Variants in PECR observed in about 807,000 individuals in gnomAD.
PECR encodes the protein 2,4-dienoyl-CoA reductase-related protein.
Under a neutral mutation model 35.3 loss-of-function variants are expected in PECR, and 30 were observed. The observed-to-expected ratio is 0.85, with a 90% confidence interval of 0.64 to 1.15. PECR has a LOEUF of 1.15. PECR is among the 50% of genes most tolerant of loss of function. The probability of loss-of-function intolerance (pLI) is 0.00; values close to 1 mark genes in which losing one functional copy is unlikely to be tolerated. For synonymous variants in PECR, 148 were observed against 138.9 expected, an observed-to-expected ratio of 1.07 and a Z score of -0.46; for missense variants, 392 against 370.8, an observed-to-expected ratio of 1.06 and a Z score of -0.47.
chr2:216,067,507 T>A (rs1469078957), intron 1 of PECR, among the ~76,000 whole-genome samples: 1 of 152,138 alleles, frequency 6.6e-6, no homozygotes, highest in Non-Finnish European at 1.5e-5. Flanking sequence ...TGTTTTCAAG[T>A]GACCTAACTG....
downstream of PECR, among the ~76,000 whole-genome samples, chr2:216,033,388 G>A (rs893239524): frequency 3.9e-5 from 6 of 152,050 alleles, no homozygotes; most frequent in Admixed American, 6.6e-5. Flanking sequence ...TCACAAGAGC[G>A]AGTAAGTGGT....
rs768887022 is a variant in PECR at position 216,066,400 on chromosome 2, G to A, written c.243C>T (p.Ile81=). 37 of 1,612,978 alleles carry A rather than the reference G, an allele frequency of 2.3e-5. No individual in the cohort carries two copies. The Admixed American group carries it at 5.3e-4, about 23-fold the overall frequency. Residue 81 remains isoleucine, a synonymous_variant, in exon 2 of 8, where the codon ATC becomes ATT. Coordinates refer to ENST00000265322, the MANE Select transcript of PECR (RefSeq NM_018441.6). ...QARVIPIQCN[I]RNEEEVNNLV... is the part of the protein sequence containing the mutation. Reference sequence around the variant, plus strand: ...TCTCCATTACCTCCTCCTCATTCCGGATGTTGCATTGTATGGGAATGACTC... The same window carrying A: ...TCTCCATTACCTCCTCCTCATTCCGAATGTTGCATTGTATGGGAATGACTC...
intron 4 of PECR, among the ~76,000 whole-genome samples, chr2:216,055,273 A>G (rs1469248974): frequency 2.0e-5 from 3 of 151,852 alleles, no homozygotes; most frequent in Non-Finnish European, 4.4e-5. Flanking sequence ...CCCCGTCTCT[A>G]TTAAAAATAC....
chr2:216,075,183 A>G (rs959989137), intron 1 of PECR, among the ~76,000 whole-genome samples: 1 of 152,126 alleles, frequency 6.6e-6, no homozygotes, highest in Non-Finnish European at 1.5e-5. Flanking sequence ...CAGGAGAATC[A>G]TTTCAGACAG....
intron 1 of PECR, among the ~76,000 whole-genome samples, chr2:216,069,396 G>GC (rs1302410281): frequency 6.6e-6 from 1 of 152,166 alleles, no homozygotes; most frequent in Non-Finnish European, 1.5e-5. Flanking sequence ...CATGATCTAA[G>GC]GGGGGACTGG....
rs1430868777 is a variant in PECR, at chr2:216,043,886, C to T, written c.826+18G>A. 7.7e-7 allele frequency: 1 copy of T among 1,305,450 alleles called. No homozygotes were observed. Among genetic ancestry groups the T allele is most frequent in the South Asian group, 1.2e-5 (1 of 84,886 alleles). 80.9% of individuals were successfully genotyped at this position (1,305,450 alleles called of 1,614,324 possible). A position where few individuals can be genotyped will look rare whatever the true frequency, so the allele number is the denominator to read the frequency against. On this transcript the variant is annotated intron_variant, in intron 7 of 7. Transcript: ENST00000265322. ...ACACAGCATAAAGCTGGTGACTGCT[C>T]ATTCCTCAGCTGCTCACCTGGTACC...
At chr2:216,054,527 G>A (rs1190159347) in intron 4 of PECR, among the ~76,000 whole-genome samples, 1 of 151,218 alleles carries the variant, frequency 6.6e-6, no homozygotes, top group South Asian at 2.1e-4. Context: ...GTAGAGATGG[G>A]GTTTCACCAT....
chr2:216,065,226 A>G, intron 3 of PECR, 86 bp downstream of exon 3: 1 of 892,760 alleles, frequency 1.1e-6, no homozygotes, highest in Admixed American at 1.7e-5. Context: ...ATAAATGTTA[A>G]TGACATGGGG....
chr2:216,067,452 T>C (rs1440628327), intron 1 of PECR, among the ~76,000 whole-genome samples: 1 of 152,184 alleles, frequency 6.6e-6, no homozygotes, highest in Non-Finnish European at 1.5e-5. Context: ...AAATTCACCA[T>C]AGACTAAAGG....
At chr2:216,049,035 C>CA (rs1286182993) in intron 6 of PECR, among the ~76,000 whole-genome samples, 8 of 151,570 alleles carry the variant, frequency 5.3e-5, no homozygotes, top group East Asian at 1.9e-4. Flanking sequence ...AACAAACTAA[C>CA]AAAAAAAATG....
chr2:216,038,111 AAAGT>A (rs1343892466), downstream of PECR, among the ~76,000 whole-genome samples: 1 of 151,786 alleles, frequency 6.6e-6, no homozygotes, highest in Non-Finnish European at 1.5e-5. Flanking sequence ...ATAAATAAAT[AAAGT>A]GAGTGTTAAT....
At chr2:216,073,174 C>T (rs1027612271) in intron 1 of PECR, among the ~76,000 whole-genome samples, 19 of 152,240 alleles carry the variant, frequency 1.2e-4, no homozygotes, top group Admixed American at 2.6e-4. Context: ...CAAAAACATA[C>T]GTTATACTGT....
chr2:216,070,975 C>A (rs1695577064), intron 1 of PECR, among the ~76,000 whole-genome samples: 1 of 152,156 alleles, frequency 6.6e-6, no homozygotes, highest in Admixed American at 6.5e-5. Context: ...TTGATCACGA[C>A]CCTCACTCTT....
intron 7 of PECR, among the ~76,000 whole-genome samples, chr2:216,043,520 C>T (rs1161745032): frequency 1.2e-4 from 18 of 152,156 alleles, no homozygotes; most frequent in Admixed American, 1.1e-3. Flanking sequence ...CCCACCCCAC[C>T]TAGCAGGCCT....
chr2:216,032,764 A>T (rs1230672546), intron 7 of PECR: 2 of 152,196 alleles, frequency 1.3e-5, no homozygotes, highest in African/African-American at 4.8e-5. Context: ...TGGGCTCAAT[A>T]ATTGCTAGTT....
chr2:216,071,000 C>T (rs1695577484), intron 1 of PECR, among the ~76,000 whole-genome samples: 1 of 152,242 alleles, frequency 6.6e-6, no homozygotes, highest in East Asian at 1.9e-4. Flanking sequence ...CCTGCAACAT[C>T]TCTCCCTTTT....
At chr2:216,033,338 A>T (rs2105937127) in intron 7 of PECR, among the ~76,000 whole-genome samples, 1 of 152,300 alleles carries the variant, frequency 6.6e-6, no homozygotes, top group East Asian at 1.9e-4. Context: ...TAAAATGACC[A>T]GTAATTTTGC....
In PECR at chr2:216,051,438, C is replaced by T. The variant is rs770569767; in HGVS notation, c.603+11G>A. ...TTTGTCAATAAATTTCAATATAGATCGTTTACCTACAGGGGCAACACAATT... is the reference window on the plus strand; with the variant it reads ...TTTGTCAATAAATTTCAATATAGATTGTTTACCTACAGGGGCAACACAATT... On this transcript the variant is annotated intron_variant, in intron 5 of 7. Coordinates refer to ENST00000265322, the MANE Select transcript of PECR (RefSeq NM_018441.6). The T allele has an allele frequency of 1.9e-5, 29 of 1,502,190 alleles. No individual in the cohort carries two copies. The African/African-American group carries it at 3.2e-4, about 16-fold the overall frequency. The allele number at this position is 1,502,190 out of a possible 1,614,324, so 93.1% of individuals were successfully genotyped here.
At chr2:216,033,935 G>A (rs7590720), downstream of PECR, 110,159 of 152,104 alleles carry the variant, frequency 0.72, 40,053 homozygotes, top group African/African-American at 0.77. Flanking sequence ...CATGGGCTCA[G>A]TAATCGCTAG....
Sources: allele counts gnomAD v4.1 joint callset (sites outside exome capture counted in the v4.1 genomes callset), GRCh38; gene constraint gnomAD v4.1.1; transcripts MANE v1.5; gene names NCBI Gene and HGNC (gene_info 2026-07-23, HGNC 2026-07-21).